EIF4G3: variants seen among roughly 807,000 people sequenced by gnomAD.
EIF4G3 encodes eIF-4-gamma 3.
In EIF4G3, 34 loss-of-function variants were observed where a neutral mutation model predicts 186.4. The observed-to-expected ratio is 0.18, with a 90% CI of 0.14 to 0.24. The LOEUF is 0.24. Ranked by LOEUF, EIF4G3 falls within the 10% of genes least tolerant of loss-of-function variation. The pLI, the probability that EIF4G3 is intolerant of heterozygous loss-of-function variation, is 1.00. For synonymous variants in EIF4G3, 673 were observed against 679.5 expected (o/e 0.99, Z 0.15); for missense variants, 1,536 against 1,948.5 (o/e 0.79, Z 3.99).
rs1486382048 is a variant in EIF4G3, at chr1:21,053,761, G to A, written c.-195-2767C>T. Among the ~76,000 whole-genome samples the A allele has an allele frequency of 1.9e-3, 279 of 148,078 alleles. 4 individuals carry two copies. Among genetic ancestry groups the A allele is most frequent in the African/African-American group, 6.3e-3 (248 of 39,526 alleles). On this transcript the variant is annotated intron_variant, in intron 3 of 36. Coordinates refer to ENST00000602326, the MANE Select transcript of EIF4G3 (RefSeq NM_001391906.1). ...GCCCGGCCAGCCGCCCCATCCGGGA[G>A]GTGAGGGGCACCTCTGCCCGGCTGC...
intron 3 of EIF4G3, among the ~76,000 whole-genome samples, chr1:21,087,790 T>C (rs1309606270): frequency 6.6e-6 from 1 of 151,778 alleles, no homozygotes; most frequent in Admixed American, 6.6e-5. Flanking sequence ...CCCGCCACCA[T>C]GTCCGGCTAA....
chr1:21,101,644 T>A (rs1054366884), intron 2 of EIF4G3, among the ~76,000 whole-genome samples: 6 of 22,060 alleles, frequency 2.7e-4, no homozygotes, highest in Admixed American at 6.4e-4. Flanking sequence ...GAAGGGAGGG[T>A]GGGAGGGAGG....
chr1:21,173,344 G>C (rs964538178), intron 2 of EIF4G3, among the ~76,000 whole-genome samples: 1 of 151,594 alleles, frequency 6.6e-6, no homozygotes, highest in African/African-American at 2.4e-5. Context: ...TTACAGGCAG[G>C]CGCCACCACG....
At chr1:20,950,516 C>T (rs1329443127) in intron 12 of EIF4G3, among the ~76,000 whole-genome samples, 2 of 152,066 alleles carry the variant, frequency 1.3e-5, no homozygotes, top group Non-Finnish European at 2.9e-5. Flanking sequence ...TATAAATTAC[C>T]TAGCAAAGCA....
intron 8 of EIF4G3, among the ~76,000 whole-genome samples, chr1:20,981,746 A>G (rs867969127): frequency 6.9e-6 from 1 of 145,354 alleles, no homozygotes; most frequent in South Asian, 2.1e-4. Flanking sequence ...GTATATACAC[A>G]TACATATATG....
chr1:20,889,360 T>A (rs535856214), intron 18 of EIF4G3, among the ~76,000 whole-genome samples: 42 of 152,342 alleles, frequency 2.8e-4, no homozygotes, highest in Admixed American at 1.2e-3. Context: ...GATCAGTTTA[T>A]CTCAAAAGTT....
chr1:20,925,123 T>C (rs2094791357), intron 14 of EIF4G3, among the ~76,000 whole-genome samples: 1 of 152,224 alleles, frequency 6.6e-6, no homozygotes, highest in South Asian at 2.1e-4. Context: ...GCATTATACA[T>C]GTGAATGTGC....
chr1:20,817,383 T>C lies in EIF4G3; in HGVS notation c.4515+9A>G, dbSNP rs1015663417. 6.5e-7 allele frequency: 1 copy of C among 1,527,336 alleles called. No homozygotes were observed. The highest frequency in any genetic ancestry group is 8.8e-7 in the Non-Finnish European group (1 of 1,130,274). The allele number at this position is 1,527,336 out of a possible 1,614,324, so 94.6% of individuals were successfully genotyped here. A position where few individuals can be genotyped will look rare whatever the true frequency, so the allele number is the denominator to read the frequency against. ...AGAGGTATCAGGGAAGGTGACATAGTCTTTATACCTCTACCCAGTCAAAGA... is the reference window on the plus strand; with the variant it reads ...AGAGGTATCAGGGAAGGTGACATAGCCTTTATACCTCTACCCAGTCAAAGA... On this transcript the variant is annotated intron_variant, in intron 34 of 36. Coordinates refer to ENST00000602326, the MANE Select transcript of EIF4G3 (RefSeq NM_001391906.1).
At chr1:21,080,995 T>C (rs960721906) in intron 3 of EIF4G3, among the ~76,000 whole-genome samples, 1 of 152,212 alleles carries the variant, frequency 6.6e-6, no homozygotes, top group Non-Finnish European at 1.5e-5. Flanking sequence ...TTATAGAACA[T>C]AGTAAAATTC....
At chr1:20,850,189 C>A (rs149051708) in intron 28 of EIF4G3, among the ~76,000 whole-genome samples, 1 of 152,244 alleles carries the variant, frequency 6.6e-6, no homozygotes, top group East Asian at 1.9e-4. Context: ...AGACTGAAGG[C>A]CGAGAACAGG....
chr1:20,876,282 C>G (rs936626585), intron 20 of EIF4G3, among the ~76,000 whole-genome samples: 4 of 93,024 alleles, frequency 4.3e-5, no homozygotes, highest in African/African-American at 1.7e-4. Flanking sequence ...CTCCAGAATA[C>G]AAGGATAAAT....
At chr1:21,004,149 G>A (rs2084380700) in intron 4 of EIF4G3, among the ~76,000 whole-genome samples, 1 of 152,144 alleles carries the variant, frequency 6.6e-6, no homozygotes, top group Non-Finnish European at 1.5e-5. Context: ...ACAGTTAACT[G>A]TTATATATTG....
intron 14 of EIF4G3, among the ~76,000 whole-genome samples, chr1:20,926,524 A>G (rs2154560578): frequency 6.6e-6 from 1 of 152,250 alleles, no homozygotes; most frequent in Admixed American, 6.5e-5. Context: ...ACAAAAAGTT[A>G]GCTGGGTGTG....
intron 2 of EIF4G3, among the ~76,000 whole-genome samples, chr1:21,174,311 A>G (rs1219635792): frequency 1.3e-5 from 2 of 152,242 alleles, no homozygotes; most frequent in East Asian, 1.9e-4. Flanking sequence ...CAGAGCTTTT[A>G]TAAGTCCTTC....
chr1:20,853,604 C>T lies in EIF4G3; in HGVS notation c.3507G>A (p.Thr1169=), dbSNP rs985818753. The T allele has an allele frequency of 2.5e-6, 4 of 1,613,744 alleles. No individual in the cohort carries two copies. The highest frequency in any genetic ancestry group is 1.3e-5 in the African/African-American group (1 of 74,872). ...AATCAAACTCTACAGGCGTGGATGG[C>T]GTGGACCCTGAGGGTGCTGGAGGTT... ...ALQPPAPSGS[T]PSTPVEFDSR... is the part of the protein sequence containing the mutation. Residue 1169 remains threonine (T), a synonymous_variant, in exon 27 of 37, where the codon ACG becomes ACA. Transcript: ENST00000602326.
In EIF4G3 at chr1:21,176,849, G is replaced by C. The variant is rs754741953; in HGVS notation, c.-583C>G. 3.0e-5 allele frequency: 21 copies of C among 701,434 alleles called. No homozygotes were observed. Among genetic ancestry groups the C allele is most frequent in the Non-Finnish European group, 5.2e-5 (20 of 384,088 alleles). 43.5% of individuals were successfully genotyped at this position (701,434 alleles called of 1,614,324 possible). On this transcript the variant is annotated 5_prime_UTR_variant, in exon 1 of 37. Transcript: ENST00000602326. ...GGATTTTCTTCACTCAACGAGCAGA[G>C]CATCCAACATGGCGCTGTGGCCGCC...
chr1:21,132,105 G>A (rs528720627), intron 2 of EIF4G3, among the ~76,000 whole-genome samples: 64 of 152,110 alleles, frequency 4.2e-4, no homozygotes, highest in African/African-American at 1.1e-3. Context: ...AATGTTCTCC[G>A]TATCAAAGTA....
chr1:20,840,724 T>C, intron 30 of EIF4G3, 132 bp downstream of exon 30: 1 of 764,346 alleles, frequency 1.3e-6, no homozygotes, highest in Non-Finnish European at 2.1e-6. Flanking sequence ...AATTGCATCA[T>C]ATCAACATAT....
intron 14 of EIF4G3, among the ~76,000 whole-genome samples, chr1:20,907,979 A>C (rs7536710): frequency 0.39 from 57,377 of 148,766 alleles, 10,936 homozygotes; most frequent in Middle Eastern, 0.52. Context: ...ACTGACTTCC[A>C]CAATGGTTGA....
Sources: gnomAD v4.1 joint callset for allele counts (sites outside exome capture counted in the v4.1 genomes callset) on GRCh38, gnomAD v4.1.1 for gene constraint, MANE v1.5 for transcripts, NCBI Gene and HGNC (gene_info 2026-07-23, HGNC 2026-07-21) for gene names.